Variants in LRRC37A2 observed in about 807,000 individuals in gnomAD.
The protein encoded by LRRC37A2 is leucine rich repeat containing 37 member A2, also known as leucine-rich repeat-containing protein 37A2.
A neutral mutation model predicts 68.8 loss-of-function variants in LRRC37A2; 9 were observed. The observed-to-expected ratio is 0.13, with a 90% CI of 0.08 to 0.23. The LOEUF (loss-of-function observed/expected upper bound fraction) is 0.23, where lower values mean the gene tolerates loss of function less well. Among genes scored for constraint, LRRC37A2 ranks in the 10% least tolerant of loss-of-function variants. LRRC37A2 has a pLI of 1.00. For missense variants in LRRC37A2, 168 were observed against 950.4 expected (o/e 0.18, Z 10.82); for synonymous variants, 63 against 367.6 (o/e 0.17, Z 9.48).
At chr17:46,739,053 T>C in the LRRC37A2 span, among the ~76,000 whole-genome samples, 1 of 150,938 alleles carries the variant, frequency 6.6e-6, no homozygotes, top group South Asian at 2.1e-4. Context: ...CTGGGCAATA[T>C]GGCAAAACCC....
chr17:46,795,479 G>A, the LRRC37A2 span, among the ~76,000 whole-genome samples: 1 of 152,136 alleles, frequency 6.6e-6, no homozygotes, highest in Non-Finnish European at 1.5e-5. Flanking sequence ...TTCTCCTCCA[G>A]TGACCCTCAG....
At chr17:46,866,667 G>T in the LRRC37A2 span, among the ~76,000 whole-genome samples, 3 of 152,090 alleles carry the variant, frequency 2.0e-5, no homozygotes, top group Non-Finnish European at 4.4e-5. Context: ...CCGGTTCCCA[G>T]GCAGCTGCCT....
At chr17:46,569,487 CCT>C in the LRRC37A2 span, among the ~76,000 whole-genome samples, 5 of 146,308 alleles carry the variant, frequency 3.4e-5, no homozygotes, top group Non-Finnish European at 1.5e-5. Flanking sequence ...GTTATGTTAT[CCT>C]CTCTGTCTTT....
At chr17:46,493,570 G>A in the LRRC37A2 span, among the ~76,000 whole-genome samples, 2 of 143,494 alleles carry the variant, frequency 1.4e-5, no homozygotes, top group African/African-American at 2.7e-5. Context: ...ACGGAGTCTC[G>A]CTGTGTCGCC....
At chr17:46,952,168 T>C in the LRRC37A2 span, among the ~76,000 whole-genome samples, 1 of 152,238 alleles carries the variant, frequency 6.6e-6, no homozygotes, top group Non-Finnish European at 1.5e-5. Context: ...GTCTTTGGAC[T>C]ACAAATCCTT....
At chr17:46,932,499 G>A in the LRRC37A2 span, 10 of 591,922 alleles carry the variant, frequency 1.7e-5, no homozygotes, top group African/African-American at 9.3e-5. Context: ...TGGTGGAAAC[G>A]TTTTTCTGAT....
the LRRC37A2 span, chr17:46,937,876 T>C: frequency 3.3e-5 from 5 of 153,210 alleles, no homozygotes; most frequent in African/African-American, 1.2e-4. Context: ...TATTTATTTA[T>C]GTATTTTTTG....
At chr17:46,913,686 T>C in the LRRC37A2 span, among the ~76,000 whole-genome samples, 1 of 152,198 alleles carries the variant, frequency 6.6e-6, no homozygotes, top group Non-Finnish European at 1.5e-5. Flanking sequence ...AGGATATTAC[T>C]GTGTTCTCTA....
chr17:46,690,447 A>G, the LRRC37A2 span, among the ~76,000 whole-genome samples: 1 of 21,082 alleles, frequency 4.7e-5, no homozygotes, highest in East Asian at 1.7e-3. Context: ...ACTAAAAAAA[A>G]AATACAAAAA....
chr17:46,825,624 T>A, the LRRC37A2 span, among the ~76,000 whole-genome samples: 1 of 152,258 alleles, frequency 6.6e-6, no homozygotes, highest in Admixed American at 6.5e-5. Flanking sequence ...CCTTGGCAGC[T>A]GAGCACTGAT....
At chr17:46,851,358 G>T in the LRRC37A2 span, among the ~76,000 whole-genome samples, 8 of 151,416 alleles carry the variant, frequency 5.3e-5, no homozygotes, top group South Asian at 2.1e-4. The surrounding 1 kb of genome is among the most constrained non-coding windows in gnomAD (Gnocchi z 4.3). Flanking sequence ...CGGGCGCGGC[G>T]CCAGGTGAGC....
At chr17:46,940,552 C>T in the LRRC37A2 span, 11 of 1,614,168 alleles carry the variant, frequency 6.8e-6, no homozygotes, top group Non-Finnish European at 8.5e-6. Context: ...TCCTGTCCCC[C>T]AGGCACCCAA....
At chr17:46,960,769 G>C in the LRRC37A2 span, among the ~76,000 whole-genome samples, 1 of 152,172 alleles carries the variant, frequency 6.6e-6, no homozygotes, top group East Asian at 1.9e-4. Context: ...CAGCTTATTG[G>C]GTGATTCCAT....
At chr17:46,900,369 G>A in the LRRC37A2 span, among the ~76,000 whole-genome samples, 3 of 151,694 alleles carry the variant, frequency 2.0e-5, no homozygotes, top group East Asian at 1.9e-4. Context: ...TCCTGTCTCA[G>A]CCTCCCTAGT....
the LRRC37A2 span, among the ~76,000 whole-genome samples, chr17:46,793,492 G>GGA: frequency 2.0e-5 from 3 of 152,000 alleles, no homozygotes; most frequent in Admixed American, 2.0e-4. Flanking sequence ...CAGATCTTCC[G>GGA]CACTGGAGGT....
chr17:46,986,910 G>A, the LRRC37A2 span, among the ~76,000 whole-genome samples: 1 of 143,482 alleles, frequency 7.0e-6, no homozygotes, highest in Non-Finnish European at 1.5e-5. Context: ...GTCCCACAGA[G>A]GAATAGCATG....
the LRRC37A2 span, among the ~76,000 whole-genome samples, chr17:46,437,612 CTT>C: frequency 7.0e-6 from 1 of 143,862 alleles, no homozygotes; most frequent in Admixed American, 7.0e-5. Context: ...TGACTGCAAA[CTT>C]ATAAAGATGC....
the LRRC37A2 span, among the ~76,000 whole-genome samples, chr17:46,678,722 A>C: frequency 8.4e-6 from 1 of 119,280 alleles, no homozygotes; most frequent in Non-Finnish European, 1.7e-5. Flanking sequence ...TAAATTGCTG[A>C]AAACCAAAAA....
chr17:46,771,983 A>T, the LRRC37A2 span, among the ~76,000 whole-genome samples: 1 of 149,410 alleles, frequency 6.7e-6, no homozygotes, highest in South Asian at 2.1e-4. Context: ...CCGCCCCCAG[A>T]CTCGCGGAAG....
Sources: gnomAD v4.1 joint callset for allele counts (sites outside exome capture counted in the v4.1 genomes callset) on GRCh38, gnomAD v4.1.1 for gene constraint, Gnocchi (gnomAD v3.1) non-coding constraint, MANE v1.5 for transcripts, NCBI Gene and HGNC (gene_info 2026-07-23, HGNC 2026-07-21) for gene names.